Variants in SORL1 observed in about 807,000 individuals in gnomAD.
SORL1 encodes sortilin-related receptor.
SORL1 carries 127 observed loss-of-function variants against 273.7 expected under a neutral mutation model. That is an observed-to-expected ratio of 0.46 (90% CI 0.40 to 0.54). SORL1 has a LOEUF of 0.54. Ranked by LOEUF, SORL1 falls within the 20% of genes least tolerant of loss-of-function variation. The pLI, the probability that SORL1 is intolerant of heterozygous loss-of-function variation, is 0.00. For missense variants in SORL1, 2,494 were observed against 2,846.1 expected (o/e 0.88, Z 2.81); for synonymous variants, 1,031 against 1,067.4 (o/e 0.97, Z 0.66).
At chr11:121,479,434 A>C (rs1017068602) in intron 3 of SORL1, among the ~76,000 whole-genome samples, 92 of 152,230 alleles carry the variant, frequency 6.0e-4, no homozygotes, top group Admixed American at 6.0e-3. Context: ...CAAGCAAGCA[A>C]GATCTACAGG....
intron 1 of SORL1, among the ~76,000 whole-genome samples, chr11:121,464,710 C>T (rs1861056532): frequency 6.6e-6 from 1 of 152,210 alleles, no homozygotes; most frequent in South Asian, 2.1e-4. Flanking sequence ...GTGGCATCCA[C>T]TGTTGTGAGC....
At chr11:121,524,864 A>C (rs1237792238) in intron 11 of SORL1, among the ~76,000 whole-genome samples, 1 of 151,924 alleles carries the variant, frequency 6.6e-6, no homozygotes, top group Non-Finnish European at 1.5e-5. Flanking sequence ...TTAAGATAAC[A>C]AACATTTCCA....
At chr11:121,455,038 T>G (rs1017764181) in intron 1 of SORL1, among the ~76,000 whole-genome samples, 1 of 152,210 alleles carries the variant, frequency 6.6e-6, no homozygotes, top group African/African-American at 2.4e-5. Flanking sequence ...CTTCAACGTT[T>G]AAACCTAAGG....
chr11:121,555,009 A>G, intron 17 of SORL1, 178 bp from the exon 18 acceptor site: 1 of 576,618 alleles, frequency 1.7e-6, no homozygotes, highest in Non-Finnish European at 2.9e-6. Flanking sequence ...AATGTAGTAT[A>G]TTTTAGAAAT....
chr11:121,565,489 C>T (rs545340307), intron 21 of SORL1, among the ~76,000 whole-genome samples: 1 of 152,162 alleles, frequency 6.6e-6, no homozygotes, highest in African/African-American at 2.4e-5. Flanking sequence ...ACCTGTAGGC[C>T]AGGATAGGCA....
intron 8 of SORL1, among the ~76,000 whole-genome samples, chr11:121,517,303 A>G (rs1052469085): frequency 6.6e-6 from 1 of 152,052 alleles, no homozygotes; most frequent in Non-Finnish European, 1.5e-5. Flanking sequence ...TCCCTATTTT[A>G]CAGGATGTTT....
intron 31 of SORL1, among the ~76,000 whole-genome samples, chr11:121,593,797 A>G (rs553503576): frequency 3.3e-5 from 5 of 152,272 alleles, no homozygotes; most frequent in East Asian, 1.9e-4. Context: ...ACGTTGCACC[A>G]TCATCATCTT....
intron 21 of SORL1, among the ~76,000 whole-genome samples, chr11:121,562,080 G>A (rs1862685719): frequency 6.6e-6 from 1 of 152,026 alleles, no homozygotes; most frequent in Non-Finnish European, 1.5e-5. Flanking sequence ...TTTGGACATT[G>A]TATTACAGAT....
At chr11:121,498,152 A>G (rs1375816040) in intron 6 of SORL1, among the ~76,000 whole-genome samples, 5 of 152,342 alleles carry the variant, frequency 3.3e-5, no homozygotes, top group African/African-American at 1.2e-4. Flanking sequence ...GCATTGACCC[A>G]TAGACATTGG....
Position 121,595,949 on chromosome 11 carries a change from G to A in SORL1, c.4519+177G>A, listed in dbSNP as rs1241013528. 6.6e-6 allele frequency among the ~76,000 whole-genome samples: 1 copy of A among 152,204 alleles called. No homozygotes were observed. Among genetic ancestry groups the A allele is most frequent in the Non-Finnish European group, 1.5e-5 (1 of 68,042 alleles). On this transcript the variant is annotated intron_variant, in intron 32 of 47. Coordinates refer to ENST00000260197, the MANE Select transcript of SORL1 (RefSeq NM_003105.6). The surrounding 1 kb of genome is among the most constrained non-coding windows in gnomAD (Gnocchi z 5.1). ...TTGCCACGTGCACCCATACCATTGC[G>A]TTAGTCACCTTCTTTTTAATAAGTT...
intron 5 of SORL1, among the ~76,000 whole-genome samples, chr11:121,491,970 A>G (rs1245440177): frequency 6.6e-6 from 1 of 152,306 alleles, no homozygotes; most frequent in African/African-American, 2.4e-5. Flanking sequence ...CCAAAGATAT[A>G]CTTACTGCTT....
At chr11:121,508,069 T>C (rs1861813969) in intron 6 of SORL1, among the ~76,000 whole-genome samples, 1 of 152,246 alleles carries the variant, frequency 6.6e-6, no homozygotes, top group African/African-American at 2.4e-5. Flanking sequence ...CAGCTAATGA[T>C]AAGACAGAGA....
rs373465580 is a variant in SORL1, at chr11:121,545,297, G to A, written c.1919G>A (p.Gly640Glu). 4 of 1,613,928 alleles carry A rather than the reference G, an allele frequency of 2.5e-6. No individual in the cohort carries two copies. The highest frequency in any genetic ancestry group is 2.2e-5 in the East Asian group (1 of 44,894). Reference sequence around the variant, plus strand: ...CTGTGGTCACCATCTGATGAGCGGGGGAATGAGTGTTTGCTGGGACACAAG... The same window carrying A: ...CTGTGGTCACCATCTGATGAGCGGGAGAATGAGTGTTTGCTGGGACACAAG... ...YKLWSPSDER[G>E]NECLLGHKTV... is the part of the protein sequence containing the mutation. Residue 640 changes from glycine (G) to glutamate (E), a missense_variant, in exon 14 of 48, where the codon GGG (glycine) becomes GAG (glutamate). Around this residue, in one of 3 missense-constraint regions of SORL1, gnomAD observed 710 missense variants for 882.5 expected, o/e 0.80. Coordinates refer to ENST00000260197, the MANE Select transcript of SORL1 (RefSeq NM_003105.6).
chr11:121,589,594 T>G (rs867415016), intron 29 of SORL1, among the ~76,000 whole-genome samples: 3 of 152,334 alleles, frequency 2.0e-5, no homozygotes, highest in South Asian at 2.1e-4. Context: ...GAAAAGTTTA[T>G]TTGATCTCCT....
chr11:121,494,451 T>C (rs1337907787), intron 5 of SORL1, among the ~76,000 whole-genome samples: 1 of 152,110 alleles, frequency 6.6e-6, no homozygotes, highest in Non-Finnish European at 1.5e-5. Context: ...GACAGAACAG[T>C]GGAAGACCTG....
intron 35 of SORL1, 116 bp downstream of exon 35, chr11:121,605,687 A>C (rs1863459544): frequency 1.2e-6 from 1 of 805,348 alleles, no homozygotes; most frequent in Admixed American, 2.2e-5. Context: ...CATGTACAGA[A>C]GTATGGTGGC....
chr11:121,555,578 CTTATT>C (rs1356002754), intron 18 of SORL1, among the ~76,000 whole-genome samples: 7 of 151,880 alleles, frequency 4.6e-5, no homozygotes, highest in African/African-American at 1.2e-4. Flanking sequence ...TATGTACTTA[CTTATT>C]TTATTTATAT....
intron 39 of SORL1, 48 bp from the exon 40 acceptor site, chr11:121,612,688 T>C (rs1189269121): frequency 7.6e-7 from 1 of 1,322,964 alleles, no homozygotes; most frequent in Admixed American, 1.7e-5. Flanking sequence ...GTATTTAGTG[T>C]GCCCCATGAC....
chr11:121,618,335 G>C (rs894308524), intron 41 of SORL1, among the ~76,000 whole-genome samples: 1 of 152,150 alleles, frequency 6.6e-6, no homozygotes, highest in Non-Finnish European at 1.5e-5. Flanking sequence ...CGCATCCACT[G>C]TGCAAGCTCC....
Sources: allele counts gnomAD v4.1 joint callset (sites outside exome capture counted in the v4.1 genomes callset), GRCh38; gene constraint gnomAD v4.1.1; regional missense constraint gnomAD v4.1.1; non-coding constraint Gnocchi (gnomAD v3.1); transcripts MANE v1.5; gene names NCBI Gene and HGNC (gene_info 2026-07-23, HGNC 2026-07-21).